The following UNC13C variants were observed in gnomAD, a reference collection of about 807,000 sequenced individuals.
UNC13C encodes unc-13 homolog C.
A neutral mutation model predicts 245.4 loss-of-function variants in UNC13C; 174 were observed. The ratio of observed to expected loss-of-function variants is 0.71; its 90% confidence interval spans 0.63 to 0.80. The LOEUF (loss-of-function observed/expected upper bound fraction) is 0.80. Ranked by LOEUF, UNC13C falls within the 30% of genes least tolerant of loss-of-function variation. UNC13C has a pLI of 0.00. For synonymous variants in UNC13C, 992 were observed against 895.1 expected, an observed-to-expected ratio of 1.11 and a Z score of -1.93; for missense variants, 2,829 against 2,602.9, an observed-to-expected ratio of 1.09 and a Z score of -1.89.
chr15:54,026,109 C>A (rs77565547), intron 2 of UNC13C, among the ~76,000 whole-genome samples: 1 of 152,148 alleles, frequency 6.6e-6, no homozygotes, highest in African/African-American at 2.4e-5. Flanking sequence ...ATTTTACTAT[C>A]TGAGAGAAAT....
chr15:54,518,667 T>G (rs1198207792), intron 24 of UNC13C, among the ~76,000 whole-genome samples: 1 of 152,194 alleles, frequency 6.6e-6, no homozygotes, highest in Non-Finnish European at 1.5e-5. Flanking sequence ...TCAGACACCC[T>G]GAGATAATGG....
At chr15:53,928,225 C>A in the UNC13C span, among the ~76,000 whole-genome samples, 6 of 152,138 alleles carry the variant, frequency 3.9e-5, no homozygotes, top group Admixed American at 1.3e-4. Flanking sequence ...AACAGCAAAC[C>A]AGTCATTAGC....
chr15:53,881,131 G>T, the UNC13C span, among the ~76,000 whole-genome samples: 1 of 148,870 alleles, frequency 6.7e-6, no homozygotes, highest in African/African-American at 2.5e-5. Context: ...CTAAGAAGTT[G>T]GGGATTGTGT....
chr15:54,118,628 G>A (rs2030443874), intron 2 of UNC13C, among the ~76,000 whole-genome samples: 1 of 152,150 alleles, frequency 6.6e-6, no homozygotes, highest in Non-Finnish European at 1.5e-5. Context: ...CAGTTTGAAT[G>A]TCCTTTGTTT....
chr15:54,373,788 C>T (rs1193666800), intron 17 of UNC13C, among the ~76,000 whole-genome samples: 1 of 152,228 alleles, frequency 6.6e-6, no homozygotes, highest in Non-Finnish European at 1.5e-5. Context: ...TGTGTTACAG[C>T]TCTTTTAGTC....
intron 27 of UNC13C, among the ~76,000 whole-genome samples, chr15:54,548,922 C>T (rs1035547969): frequency 6.6e-6 from 1 of 152,102 alleles, no homozygotes; most frequent in East Asian, 1.9e-4. Context: ...TATTCTCAAA[C>T]TTATAGTCTT....
At chr15:54,039,808 T>C (rs1896737524) in intron 2 of UNC13C, among the ~76,000 whole-genome samples, 1 of 152,126 alleles carries the variant, frequency 6.6e-6, no homozygotes, top group Non-Finnish European at 1.5e-5. Context: ...ACTTCTTACA[T>C]GTCACTCCCC....
chr15:54,087,238 CAAAG>C (rs1899296124), intron 2 of UNC13C, among the ~76,000 whole-genome samples: 1 of 151,916 alleles, frequency 6.6e-6, no homozygotes, highest in Non-Finnish European at 1.5e-5. Flanking sequence ...AAAAATAAAT[CAAAG>C]AGTCTTAAAA....
chr15:53,968,376 A>G, the UNC13C span, among the ~76,000 whole-genome samples: 2 of 152,210 alleles, frequency 1.3e-5, no homozygotes, highest in Admixed American at 6.5e-5. Context: ...GAAGGCTTCT[A>G]TCAATCCAAG....
intron 30 of UNC13C, among the ~76,000 whole-genome samples, chr15:54,592,863 G>GT (rs56152927): frequency 0.045 from 6,028 of 134,098 alleles, 207 homozygotes; most frequent in Admixed American, 0.13. Context: ...TTTGTTTTTT[G>GT]TTTTTTTTTT....
Position 54,050,126 on chromosome 15 carries a change from C to T in UNC13C, c.2983+34240C>T, listed in dbSNP as rs974238683. 3.5e-5 allele frequency: 12 copies of T among 343,748 alleles called. No homozygotes were observed. The East Asian group carries it at 3.7e-4, about 11-fold the overall frequency. 21.3% of individuals were successfully genotyped at this position (343,748 alleles called of 1,614,324 possible). A position where few individuals can be genotyped will look rare whatever the true frequency, so the allele number is the denominator to read the frequency against. On this transcript the variant is annotated intron_variant, in intron 2 of 32. Transcript: ENST00000260323. ...CTGCGATTACAGGCGCCCGCCACCA[C>T]GCCCGGCTATTTTTTTGTATTTTTA...
At chr15:53,928,272 C>T in the UNC13C span, among the ~76,000 whole-genome samples, 4 of 152,252 alleles carry the variant, frequency 2.6e-5, no homozygotes, top group African/African-American at 7.2e-5. Context: ...TAAAAGTATC[C>T]CTTATGGGAA....
intron 10 of UNC13C, among the ~76,000 whole-genome samples, chr15:54,285,298 CT>C (rs1410841101): frequency 1.3e-5 from 2 of 151,722 alleles, no homozygotes; most frequent in Non-Finnish European, 2.9e-5. Flanking sequence ...TAAATTGCTC[CT>C]GTTAAATGTA....
intron 17 of UNC13C, among the ~76,000 whole-genome samples, chr15:54,385,401 G>T (rs2039816320): frequency 6.6e-6 from 1 of 150,920 alleles, no homozygotes; most frequent in Admixed American, 6.6e-5. Context: ...AGTCACATGG[G>T]TGGAACTGGA....
At chr15:54,356,670 A>C (rs780271731) in intron 17 of UNC13C, among the ~76,000 whole-genome samples, 25 of 152,188 alleles carry the variant, frequency 1.6e-4, no homozygotes, top group Non-Finnish European at 3.5e-4. Flanking sequence ...TTATTATTTG[A>C]TAATTCCCCA....
intron 2 of UNC13C, among the ~76,000 whole-genome samples, chr15:54,094,232 G>A (rs922991204): frequency 4.6e-5 from 7 of 152,132 alleles, no homozygotes; most frequent in African/African-American, 1.7e-4. Context: ...TTCCTTCCGT[G>A]TGTCCTTCAC....
At chr15:54,338,226 C>T (rs144820836) in intron 16 of UNC13C, 135 bp from the exon 17 acceptor site, 2 of 1,024,324 alleles carry the variant, frequency 2.0e-6, no homozygotes, top group African/African-American at 1.6e-5. Context: ...CATTTAAAAC[C>T]ACATGGTAAG....
At position 54,300,010 on chromosome 15, in the gene UNC13C, C is replaced by T. The variant is rs112421621; in HGVS notation, c.4105-200C>T. ...TCCCATATTTATATCAGCGCTTTTA[C>T]CCAGGCAGAAATCAAAGCAGATTTT... On this transcript the variant is annotated intron_variant, in intron 12 of 32. Coordinates refer to ENST00000260323, the MANE Select transcript of UNC13C (RefSeq NM_001080534.3). 8.5e-5 allele frequency among the ~76,000 whole-genome samples: 13 copies of T among 152,202 alleles called. 1 individual carries two copies. Among genetic ancestry groups the T allele is most frequent in the African/African-American group, 2.9e-4 (12 of 41,530 alleles).
intron 20 of UNC13C, among the ~76,000 whole-genome samples, chr15:54,496,468 A>C (rs1893952413): frequency 6.6e-6 from 1 of 152,122 alleles, no homozygotes; most frequent in Admixed American, 6.6e-5. Flanking sequence ...AAGGAAAAGA[A>C]GTCATATACA....
Sources: gnomAD v4.1 joint callset for allele counts (sites outside exome capture counted in the v4.1 genomes callset) on GRCh38, gnomAD v4.1.1 for gene constraint, MANE v1.5 for transcripts, NCBI Gene and HGNC (gene_info 2026-07-23, HGNC 2026-07-21) for gene names.